PDHX: variants seen among roughly 807,000 people sequenced by gnomAD.
The protein encoded by PDHX is pyruvate dehydrogenase complex component X.
Under a neutral mutation model 55.3 loss-of-function variants are expected in PDHX, and 33 were observed. That is an observed-to-expected ratio of 0.60 (90% confidence interval 0.45 to 0.80). The LOEUF (loss-of-function observed/expected upper bound fraction) is 0.80, where lower values mean the gene tolerates loss of function less well. Among genes scored for constraint, PDHX ranks in the 30% least tolerant of loss-of-function variants. PDHX has a pLI of 0.00. For synonymous variants in PDHX, 226 were observed against 219.4 expected, an observed-to-expected ratio of 1.03 and a Z score of -0.27; for missense variants, 622 against 619.9, an observed-to-expected ratio of 1.00 and a Z score of -0.04.
At chr11:34,933,738 T>C (rs990562914) in intron 2 of PDHX, among the ~76,000 whole-genome samples, 8 of 152,144 alleles carry the variant, frequency 5.3e-5, no homozygotes, top group Admixed American at 2.0e-4. Context: ...GATGTGCAGA[T>C]GAGCTTTTAA....
chr11:34,931,535 T>TG (rs1554984516), intron 2 of PDHX, 51 bp downstream of exon 2: 1 of 963,894 alleles, frequency 1.0e-6, no homozygotes. Flanking sequence ...TTGGTTATTT[T>TG]GTTTTGTTTT....
chr11:34,936,397 T>TA, intron 2 of PDHX, among the ~76,000 whole-genome samples: 1 of 152,234 alleles, frequency 6.6e-6, no homozygotes, highest in Admixed American at 6.5e-5. Context: ...TGCAGTGCTG[T>TA]AAGTGGTCAG....
intron 5 of PDHX, among the ~76,000 whole-genome samples, chr11:34,962,774 G>T (rs972265091): frequency 3.9e-4 from 59 of 152,112 alleles, no homozygotes; most frequent in African/African-American, 1.4e-3. Flanking sequence ...AGAAATAAAG[G>T]TTTCTTCCTT....
intron 1 of PDHX, among the ~76,000 whole-genome samples, chr11:34,926,236 A>ATCAGCACTTTTATT (rs1414214282): frequency 6.6e-6 from 1 of 152,172 alleles, no homozygotes; most frequent in Non-Finnish European, 1.5e-5. Flanking sequence ...TGATTTTTAA[A>ATCAGCACTTTTATT]TTACTTTTAC....
rs1437605887 is a variant in PDHX, at chr11:34,992,370, G to T, written c.1238G>T (p.Gly413Val). 5 of 1,571,326 alleles carry T rather than the reference G, an allele frequency of 3.2e-6. No individual in the cohort carries two copies. The highest frequency in any genetic ancestry group is 3.5e-6 in the Non-Finnish European group (4 of 1,141,852). The stretch of plus-strand genomic sequence containing the variant: ...TTGTTGCCTGAAGAATACCAAGGAG[G>T]ATCTTTTAGGTAAAATTTAAACTCT... ...GKLLPEEYQG[G>V]SFSISNLGMF... The change falls in exon 10 of 11, where the codon GGA becomes GTA. Residue 413 changes from glycine (G) to valine (V), a missense_variant. Coordinates refer to ENST00000227868, the MANE Select transcript of PDHX (RefSeq NM_003477.3).
chr11:34,960,830 C>G (rs1855009318), intron 5 of PDHX, among the ~76,000 whole-genome samples: 2 of 152,030 alleles, frequency 1.3e-5, no homozygotes, highest in Non-Finnish European at 2.9e-5. Context: ...TGAAATCATG[C>G]AATAACATTT....
At chr11:34,971,358 G>T (rs1011768827) in intron 7 of PDHX, among the ~76,000 whole-genome samples, 3 of 152,040 alleles carry the variant, frequency 2.0e-5, no homozygotes, top group African/African-American at 7.2e-5. Flanking sequence ...AATATAGATG[G>T]TAAAAGCAGA....
At chr11:34,922,716 G>A (rs1853915414) in intron 1 of PDHX, among the ~76,000 whole-genome samples, 1 of 152,132 alleles carries the variant, frequency 6.6e-6, no homozygotes, top group Admixed American at 6.5e-5. Context: ...GTGTAAGGGT[G>A]GCAGGACTAT....
chr11:34,959,853 A>G lies in PDHX; in HGVS notation c.543-567A>G, dbSNP rs1202309722. On this transcript the variant is annotated intron_variant, in intron 4 of 10. Transcript: ENST00000227868. Reference sequence around the variant, plus strand: ...TATGTGAGTTACCTAGAGTAGTCAAATTGACAGAGACAAAGAGAATGGTTA... The same window carrying G: ...TATGTGAGTTACCTAGAGTAGTCAAGTTGACAGAGACAAAGAGAATGGTTA... Among the ~76,000 whole-genome samples, 3 of 152,188 alleles carry G rather than the reference A, an allele frequency of 2.0e-5. No homozygotes were observed. The South Asian group carries it at 6.2e-4, about 31-fold the overall frequency.
At chr11:34,943,016 G>A (rs1854524436) in intron 2 of PDHX, among the ~76,000 whole-genome samples, 1 of 152,070 alleles carries the variant, frequency 6.6e-6, no homozygotes, top group Non-Finnish European at 1.5e-5. Context: ...ATAATTTGAT[G>A]TATACCTTAT....
Position 34,932,178 on chromosome 11 carries a change from T to C in PDHX, c.241+694T>C, listed in dbSNP as rs2031685. On this transcript the variant is annotated intron_variant, in intron 2 of 10. Transcript: ENST00000227868. Reference sequence around the variant, plus strand: ...CACTTAATGTATAAAAATGAAACTATGCAAGTCTTGAATTCCTCTGAACCC... The same window carrying C: ...CACTTAATGTATAAAAATGAAACTACGCAAGTCTTGAATTCCTCTGAACCC... Among the ~76,000 whole-genome samples, 533 of 152,250 alleles carry C rather than the reference T, an allele frequency of 3.5e-3. 4 individuals carry two copies. The highest frequency in any genetic ancestry group is 5.6e-3 in the Admixed American group (85 of 15,296).
Position 34,931,335 on chromosome 11 carries a change from G to T in PDHX, c.161-69G>T, listed in dbSNP as rs1590732287. On this transcript the variant is annotated intron_variant, in intron 1 of 10. Transcript: ENST00000227868. ...AATTGAATTTGACGTTAATTTACTTGAACTTATATTGATGCCTCATGAGGT... is the reference window on the plus strand; with the variant it reads ...AATTGAATTTGACGTTAATTTACTTTAACTTATATTGATGCCTCATGAGGT... The T allele has an allele frequency of 8.4e-6, 7 of 837,312 alleles. No individual in the cohort carries two copies. The East Asian group carries it at 1.7e-4, about 21-fold the overall frequency. The allele number at this position is 837,312 out of a possible 1,614,324, so 51.9% of individuals were successfully genotyped here. A position where few individuals can be genotyped will look rare whatever the true frequency, so the allele number is the denominator to read the frequency against.
chr11:34,964,558 C>T (rs547335567), intron 5 of PDHX, among the ~76,000 whole-genome samples: 14 of 151,876 alleles, frequency 9.2e-5, no homozygotes, highest in African/African-American at 2.9e-4. Flanking sequence ...GAGCTGAGAT[C>T]GCGCCACTGC....
chr11:34,992,802 A>G (rs941680782), intron 10 of PDHX, among the ~76,000 whole-genome samples: 9 of 152,236 alleles, frequency 5.9e-5, no homozygotes, highest in African/African-American at 2.2e-4. Flanking sequence ...GGCTATTACA[A>G]ATTATGGTGC....
At chr11:34,968,812 G>A (rs1335487573) in intron 6 of PDHX, among the ~76,000 whole-genome samples, 1 of 151,986 alleles carries the variant, frequency 6.6e-6, no homozygotes, top group African/African-American at 2.4e-5. Flanking sequence ...ACTCCACTGT[G>A]TTTAGAGAAT....
chr11:34,993,066 T>C (rs917813883), intron 10 of PDHX, among the ~76,000 whole-genome samples: 34 of 152,278 alleles, frequency 2.2e-4, no homozygotes, highest in African/African-American at 7.0e-4. Flanking sequence ...TGTAGGAAAA[T>C]GCAAATTAGT....
intron 10 of PDHX, among the ~76,000 whole-genome samples, chr11:34,993,009 T>C (rs1590775988): frequency 6.6e-6 from 1 of 152,282 alleles, no homozygotes; most frequent in Middle Eastern, 3.4e-3. Context: ...TTTAATAATG[T>C]TAGGTTTTAA....
In PDHX at chr11:34,970,225, A is replaced by C. The variant is rs1344823148; in HGVS notation, c.903A>C (p.Ala301=). The C allele has an allele frequency of 3.1e-6, 5 of 1,613,250 alleles. No homozygotes were observed. Among genetic ancestry groups the C allele is most frequent in the Non-Finnish European group, 4.2e-6 (5 of 1,179,216 alleles). The change falls in exon 7 of 11, where the codon GCA becomes GCC. Residue 301 remains alanine, a synonymous_variant. Transcript: ENST00000227868. ...AATCTAAAAGTACTGTACCTCATGC[A>C]TATGCTACTGCTGACTGTGACCTTG... ...LTESKSTVPH[A]YATADCDLGA... is the part of the protein sequence containing the mutation.
chr11:34,985,573 A>G (rs991121894), intron 9 of PDHX, among the ~76,000 whole-genome samples: 2 of 152,238 alleles, frequency 1.3e-5, no homozygotes, highest in African/African-American at 4.8e-5. Flanking sequence ...ATAGGCAAGA[A>G]CACAGGCAGT....
Sources: allele counts gnomAD v4.1 joint callset (sites outside exome capture counted in the v4.1 genomes callset), GRCh38; gene constraint gnomAD v4.1.1; transcripts MANE v1.5; gene names NCBI Gene and HGNC (gene_info 2026-07-23, HGNC 2026-07-21).